PCDHGA2: variants seen among roughly 807,000 people sequenced by gnomAD.
PCDHGA2 encodes the protein protocadherin gamma subfamily A, 2.
A neutral mutation model predicts 59.2 loss-of-function variants in PCDHGA2; 40 were observed. The ratio of observed to expected loss-of-function variants is 0.68; its 90% CI spans 0.52 to 0.88. PCDHGA2 has a LOEUF of 0.88. PCDHGA2 is among the 40% of genes least tolerant of loss of function. The pLI is 0.00. For synonymous variants in PCDHGA2, 560 were observed against 526.0 expected (o/e 1.06, Z -0.89); for missense variants, 1,226 against 1,204.0 (o/e 1.02, Z -0.27).
In PCDHGA2 at chr5:141,340,688, A is replaced by G; in HGVS notation, c.1717A>G (p.Thr573Ala). The change falls in exon 1 of 4, where the codon ACT (threonine) becomes GCT (alanine). Residue 573 changes from threonine to alanine, a missense_variant. Physicochemically the swap from Thr to Ala is moderately conservative, Grantham distance 58. Coordinates refer to ENST00000394576, the MANE Select transcript of PCDHGA2 (RefSeq NM_018915.4). ...CCCTGCCTTCCCCACAGACGGTTCC[A>G]CTGGCGTGGAGCTGGCGCCCCGCTC... Reference protein sequence around the residue: ...LYPAFPTDGSTGVELAPRSAE... With the variant: ...LYPAFPTDGSAGVELAPRSAE... The G allele has an allele frequency of 6.2e-7, 1 of 1,614,140 alleles. No individual in the cohort carries two copies. Among genetic ancestry groups the G allele is most frequent in the Non-Finnish European group, 8.5e-7 (1 of 1,180,028 alleles).
intron 1 of PCDHGA2, among the ~76,000 whole-genome samples, chr5:141,348,824 T>C (rs1485520256): frequency 1.3e-5 from 2 of 152,200 alleles, no homozygotes; most frequent in East Asian, 3.8e-4. Flanking sequence ...CTGTTTCGAA[T>C]AGAGTATGAG....
rs1413611606 is a variant in PCDHGA2, at chr5:141,368,566, G to A, written c.2424+27171G>A. Among the ~76,000 whole-genome samples, 6 of 152,186 alleles carry A rather than the reference G, an allele frequency of 3.9e-5. No individual in the cohort carries two copies. The East Asian group carries it at 1.2e-3, about 29-fold the overall frequency. On this transcript the variant is annotated intron_variant, in intron 1 of 3. Coordinates refer to ENST00000394576, the MANE Select transcript of PCDHGA2 (RefSeq NM_018915.4). ...TTTTTTTTAAAAGAAAATGTTATATGCTTCTTAGGGTAAGGTGTTTGGGAA... is the reference window on the plus strand; with the variant it reads ...TTTTTTTTAAAAGAAAATGTTATATACTTCTTAGGGTAAGGTGTTTGGGAA...
At chr5:141,455,239 G>A (rs1034181635) in intron 1 of PCDHGA2, among the ~76,000 whole-genome samples, 1 of 151,898 alleles carries the variant, frequency 6.6e-6, no homozygotes, top group African/African-American at 2.4e-5. Context: ...AAATGTTAAA[G>A]GTCATAGTAC....
chr5:141,504,077 G>A (rs939470644), intron 2 of PCDHGA2, among the ~76,000 whole-genome samples: 3 of 152,124 alleles, frequency 2.0e-5, no homozygotes, highest in Non-Finnish European at 2.9e-5. Context: ...GCCAGATGGT[G>A]CCAAACAGTT....
rs771450412 is a variant in PCDHGA2, at chr5:141,374,978, G to C, written c.2424+33583G>C. The C allele has an allele frequency of 2.2e-5, 35 of 1,613,984 alleles. No homozygotes were observed. The highest frequency in any genetic ancestry group is 2.9e-5 in the Non-Finnish European group (34 of 1,179,904). On this transcript the variant is annotated intron_variant, in intron 1 of 3. Coordinates refer to ENST00000394576, the MANE Select transcript of PCDHGA2 (RefSeq NM_018915.4). The stretch of plus-strand genomic sequence containing the variant: ...AATTTTCTGTTTGAATGTTTTGACT[G>C]GAGAAATTTCAACTTCTGCAAATCT...
intron 1 of PCDHGA2, among the ~76,000 whole-genome samples, chr5:141,483,015 G>A (rs916071219): frequency 2.0e-5 from 3 of 152,044 alleles, no homozygotes; most frequent in African/African-American, 7.2e-5. Context: ...AACCCGGGAG[G>A]CAGAGGTTGC....
intron 1 of PCDHGA2, chr5:141,383,303 C>A (rs1445366017): frequency 5.0e-6 from 8 of 1,613,892 alleles, no homozygotes; most frequent in Non-Finnish European, 6.8e-6. Flanking sequence ...AGATTCTTGA[C>A]GGAAGAAATA....
In PCDHGA2 at chr5:141,487,822, G is replaced by T. The variant is rs1406642768; in HGVS notation, c.2425-6985G>T. ...TGTCACAGTTTAGCATTGGGGGCGG[G>T]TCATGCCTATATCTGAGTAAGAAAT... On this transcript the variant is annotated intron_variant, in intron 1 of 3. Coordinates refer to ENST00000394576, the MANE Select transcript of PCDHGA2 (RefSeq NM_018915.4). This position sits in a 1 kb window ranked among gnomAD's most constrained non-coding sequence, Gnocchi z 5.0. The T allele has an allele frequency of 3.1e-6, 4 of 1,278,640 alleles. No homozygotes were observed. The East Asian group carries it at 7.6e-5, about 24-fold the overall frequency. 79.2% of individuals were successfully genotyped at this position (1,278,640 alleles called of 1,614,324 possible). A position where few individuals can be genotyped will look rare whatever the true frequency, so the allele number is the denominator to read the frequency against.
At chr5:141,419,567 G>A in intron 1 of PCDHGA2, 1 of 1,611,758 alleles carries the variant, frequency 6.2e-7, no homozygotes, top group Non-Finnish European at 8.5e-7. Context: ...GCTGGGTCCC[G>A]ACGGCTCCGC....
At chr5:141,393,276 C>T (rs773579763) in intron 1 of PCDHGA2, 1 of 1,613,968 alleles carries the variant, frequency 6.2e-7, no homozygotes, top group African/African-American at 1.3e-5. Context: ...TTATCCACTC[C>T]CAGAAGCTGT....
chr5:141,423,233 TC>T, intron 1 of PCDHGA2: 1 of 1,613,860 alleles, frequency 6.2e-7, no homozygotes, highest in Non-Finnish European at 8.5e-7. Flanking sequence ...GCCGACAGCA[TC>T]CCCGAAGTCC....
intron 1 of PCDHGA2, chr5:141,351,358 AG>A: frequency 6.2e-7 from 1 of 1,613,168 alleles, no homozygotes; most frequent in Non-Finnish European, 8.5e-7. Context: ...CCCTCATAAA[AG>A]TGCGAGACAA....
intron 1 of PCDHGA2, chr5:141,403,207 C>G: frequency 6.2e-7 from 1 of 1,613,966 alleles, no homozygotes. Context: ...GCACCTTGGT[C>G]ACCGCGGGTA....
Position 141,431,560 on chromosome 5 carries a change from C to G in PCDHGA2, c.2425-63247C>G, listed in dbSNP as rs751276470. The G allele has an allele frequency of 6.2e-7, 1 of 1,613,986 alleles. No individual in the cohort carries two copies. The highest frequency in any genetic ancestry group is 1.7e-5 in the Admixed American group (1 of 60,016). On this transcript the variant is annotated intron_variant, in intron 1 of 3. Transcript: ENST00000394576. This position sits in a 1 kb window ranked among gnomAD's most constrained non-coding sequence, Gnocchi z 4.8. Reference sequence around the variant, plus strand: ...CGCAGCTGCTTGTAGTCAACGCTACCGACCCTGACGAAGGAGTCAATGCGG... The same window carrying G: ...CGCAGCTGCTTGTAGTCAACGCTACGGACCCTGACGAAGGAGTCAATGCGG...
intron 1 of PCDHGA2, chr5:141,409,179 G>T (rs761754962): frequency 1.2e-5 from 20 of 1,613,988 alleles, no homozygotes; most frequent in Non-Finnish European, 1.6e-5. Context: ...GACGGAGGTG[G>T]TCTCTCTACC....
chr5:141,390,999 A>C (rs982856270), intron 1 of PCDHGA2: 23 of 152,216 alleles, frequency 1.5e-4, no homozygotes, highest in African/African-American at 5.6e-4. Context: ...ATTCAAGCTC[A>C]TTCTATATCC....
chr5:141,350,679 G>C, intron 1 of PCDHGA2: 1 of 1,613,996 alleles, frequency 6.2e-7, no homozygotes, highest in Non-Finnish European at 8.5e-7. Flanking sequence ...TTAGAAATTT[G>C]TGAGTCAGCC....
At chr5:141,475,059 G>T (rs2099358742) in intron 1 of PCDHGA2, among the ~76,000 whole-genome samples, 1 of 152,180 alleles carries the variant, frequency 6.6e-6, no homozygotes, top group South Asian at 2.1e-4. Flanking sequence ...AAAGATTTGT[G>T]GAGCTTTGCT....
At chr5:141,389,426 G>C (rs868246317) in intron 1 of PCDHGA2, 1 of 1,613,498 alleles carries the variant, frequency 6.2e-7, no homozygotes, top group Non-Finnish European at 8.5e-7. Context: ...TGGTGTTCGC[G>C]CAGCGCGCCT....
Sources: allele counts gnomAD v4.1 joint callset (sites outside exome capture counted in the v4.1 genomes callset), GRCh38; gene constraint gnomAD v4.1.1; non-coding constraint Gnocchi (gnomAD v3.1); transcripts MANE v1.5; gene names NCBI Gene and HGNC (gene_info 2026-07-23, HGNC 2026-07-21).